Variants in PABPC4L observed in about 807,000 individuals in gnomAD.
PABPC4L encodes polyadenylate-binding protein 4-like.
For missense variants in PABPC4L, 452 were observed against 451.4 expected (o/e 1.00, Z -0.01); for synonymous variants, 169 against 164.1 (o/e 1.03, Z -0.23).
At chr4:134,193,571 T>C (rs752173953), downstream of PABPC4L, among the ~76,000 whole-genome samples, 1 of 151,896 alleles carries the variant, frequency 6.6e-6, no homozygotes, top group Non-Finnish European at 1.5e-5. Flanking sequence ...ATTTCCATTT[T>C]GAAAAGAAGA....
the PABPC4L span, among the ~76,000 whole-genome samples, chr4:134,045,632 C>G: frequency 6.6e-6 from 1 of 152,104 alleles, no homozygotes; most frequent in Non-Finnish European, 1.5e-5. Context: ...AATTCCAAGT[C>G]AATCCTGTTA....
the PABPC4L span, among the ~76,000 whole-genome samples, chr4:134,164,487 A>T: frequency 1.3e-5 from 2 of 152,084 alleles, no homozygotes; most frequent in Non-Finnish European, 2.9e-5. Flanking sequence ...ATCAACAGCA[A>T]CCAAGCTGAG....
the PABPC4L span, among the ~76,000 whole-genome samples, chr4:134,014,928 C>T: frequency 1.3e-5 from 2 of 152,130 alleles, no homozygotes; most frequent in Non-Finnish European, 2.9e-5. Flanking sequence ...TGCCCAGTTC[C>T]CTTATTAGGC....
the PABPC4L span, among the ~76,000 whole-genome samples, chr4:134,057,023 T>C: frequency 6.6e-6 from 1 of 152,110 alleles, no homozygotes; most frequent in East Asian, 1.9e-4. Flanking sequence ...AGAGGTTTTT[T>C]GTATACTTTA....
chr4:134,030,496 C>T, the PABPC4L span, among the ~76,000 whole-genome samples: 43 of 152,014 alleles, frequency 2.8e-4, no homozygotes, highest in African/African-American at 9.9e-4. Flanking sequence ...CATATCAATC[C>T]ACCTCTTCTG....
At chr4:134,105,612 C>T in the PABPC4L span, among the ~76,000 whole-genome samples, 1 of 151,534 alleles carries the variant, frequency 6.6e-6, no homozygotes, top group African/African-American at 2.4e-5. Context: ...TCTTTACATA[C>T]AGACATACAA....
chr4:134,036,105 A>G, the PABPC4L span, among the ~76,000 whole-genome samples: 1 of 152,038 alleles, frequency 6.6e-6, no homozygotes, highest in Non-Finnish European at 1.5e-5. Flanking sequence ...CTACCATATC[A>G]GTAGACATTA....
chr4:134,135,411 C>T, the PABPC4L span, among the ~76,000 whole-genome samples: 2 of 152,104 alleles, frequency 1.3e-5, no homozygotes, highest in Admixed American at 6.6e-5. Flanking sequence ...AAATGTTTAT[C>T]AAATCTGCAT....
the PABPC4L span, among the ~76,000 whole-genome samples, chr4:134,180,344 GA>G: frequency 1.9e-4 from 28 of 149,906 alleles, no homozygotes; most frequent in Non-Finnish European, 3.1e-4. Flanking sequence ...AAATTAATCA[GA>G]AAAAAAAATA....
the PABPC4L span, among the ~76,000 whole-genome samples, chr4:134,012,435 C>T: frequency 0.15 from 22,149 of 152,126 alleles, 1,951 homozygotes; most frequent in Non-Finnish European, 0.19. Flanking sequence ...CACTCCTGCC[C>T]GCCAGAGAAC....
the PABPC4L span, among the ~76,000 whole-genome samples, chr4:134,083,041 C>A: frequency 6.6e-6 from 1 of 152,170 alleles, no homozygotes; most frequent in Non-Finnish European, 1.5e-5. Context: ...CAATGGGACA[C>A]AGCAGTAGAA....
chr4:134,106,188 T>A, the PABPC4L span, among the ~76,000 whole-genome samples: 1 of 151,652 alleles, frequency 6.6e-6, no homozygotes, highest in African/African-American at 2.4e-5. Flanking sequence ...AAAATTATTG[T>A]GCTTTGATAT....
the PABPC4L span, among the ~76,000 whole-genome samples, chr4:134,007,981 G>A: frequency 2.0e-5 from 3 of 151,538 alleles, no homozygotes; most frequent in Non-Finnish European, 4.4e-5. Flanking sequence ...TCTAAGATGT[G>A]TAAACTATAA....
the PABPC4L span, among the ~76,000 whole-genome samples, chr4:134,079,258 C>T: frequency 6.6e-6 from 1 of 151,310 alleles, no homozygotes; most frequent in East Asian, 2.0e-4. Context: ...GCTTGAGCCA[C>T]CACAACCAAC....
At chr4:134,110,565 GTGTGTGTGTGT>G in the PABPC4L span, among the ~76,000 whole-genome samples, 4 of 12,574 alleles carry the variant, frequency 3.2e-4, no homozygotes, top group East Asian at 0.25. Flanking sequence ...TGTCTTGTGT[GTGTGTGTGTGT>G]GTGTGTGTGT....
chr4:133,974,646 A>T, the PABPC4L span, among the ~76,000 whole-genome samples: 5 of 152,116 alleles, frequency 3.3e-5, no homozygotes, highest in African/African-American at 7.2e-5. Context: ...TTGAATACAG[A>T]CTATAAATAA....
the PABPC4L span, among the ~76,000 whole-genome samples, chr4:133,989,859 G>A: frequency 6.6e-6 from 1 of 152,148 alleles, no homozygotes; most frequent in Non-Finnish European, 1.5e-5. Context: ...CTGCAGGGCT[G>A]GGAAGGCCTC....
chr4:134,182,062 A>G, the PABPC4L span, among the ~76,000 whole-genome samples: 3 of 151,810 alleles, frequency 2.0e-5, no homozygotes, highest in Non-Finnish European at 4.4e-5. Flanking sequence ...TGCTATACAT[A>G]TCAAACTACC....
the PABPC4L span, among the ~76,000 whole-genome samples, chr4:134,040,205 G>GAAA: frequency 1.8e-5 from 2 of 113,434 alleles, no homozygotes; most frequent in Admixed American, 9.0e-5. Flanking sequence ...CACAGAATTG[G>GAAA]AAAAAAAAAA....
Sources: allele counts gnomAD v4.1 joint callset (sites outside exome capture counted in the v4.1 genomes callset), GRCh38; gene constraint gnomAD v4.1.1; transcripts MANE v1.5; gene names NCBI Gene and HGNC (gene_info 2026-07-23, HGNC 2026-07-21).